Variants in URB1 observed in about 807,000 individuals in gnomAD.
The protein encoded by URB1 is nucleolar pre-ribosomal-associated protein 1.
URB1 carries 197 observed loss-of-function variants against 242.3 expected under a neutral mutation model. That is an observed-to-expected ratio of 0.81 (90% CI 0.72 to 0.91). URB1 has a LOEUF of 0.91. URB1 is among the 40% of genes least tolerant of loss of function. The pLI is 0.00. For synonymous variants in URB1, 1,153 were observed against 1,201.8 expected (o/e 0.96, Z 0.84); for missense variants, 2,721 against 2,860.5 (o/e 0.95, Z 1.11).
chr21:32,311,254 C>T lies in URB1; in HGVS notation c.*3664G>A, dbSNP rs1009772245. On this transcript the variant is annotated 3_prime_UTR_variant, in exon 39 of 39. Transcript: ENST00000382751. ...TCAATTACCTCCCACTGGGTCCTTC[C>T]CACGACACGTGGGGATTATTACAAT... The T allele has an allele frequency of 6.2e-5, 11 of 176,694 alleles. No individual in the cohort carries two copies. The South Asian group carries it at 1.4e-3, about 22-fold the overall frequency. 10.9% of individuals were successfully genotyped at this position (176,694 alleles called of 1,614,324 possible).
intron 2 of URB1, 68 bp from the exon 3 acceptor site, chr21:32,384,532 T>C: frequency 2.0e-6 from 3 of 1,504,304 alleles, no homozygotes; most frequent in Admixed American, 2.1e-5. Context: ...TATATGCTCC[T>C]TTTGTCTTAG....
chr21:32,328,803 T>C (rs988328299), intron 30 of URB1, among the ~76,000 whole-genome samples: 6 of 152,218 alleles, frequency 3.9e-5, no homozygotes, highest in South Asian at 2.1e-4. Flanking sequence ...GTAACACTTA[T>C]GGAAAAGAGC....
At position 32,312,285 on chromosome 21, in the gene URB1, G is replaced by A. The variant is rs551819319; in HGVS notation, c.*2633C>T. ...AAAATAAAATATATGCAAATCAAGA[G>A]GAAAAGCTGTTTGCTTACTAATCTT... is the stretch of plus-strand genomic sequence containing the variant. On this transcript the variant is annotated 3_prime_UTR_variant, in exon 39 of 39. Coordinates refer to ENST00000382751, the MANE Select transcript of URB1 (RefSeq NM_014825.3). The A allele has an allele frequency of 6.6e-6, 9 of 1,359,476 alleles. No homozygotes were observed. The highest frequency in any genetic ancestry group is 8.6e-6 in the Non-Finnish European group (9 of 1,052,346). 84.2% of individuals were successfully genotyped at this position (1,359,476 alleles called of 1,614,324 possible).
chr21:32,358,026 C>G (rs2033244318), intron 14 of URB1, among the ~76,000 whole-genome samples: 1 of 152,216 alleles, frequency 6.6e-6, no homozygotes, highest in Non-Finnish European at 1.5e-5. Context: ...GAGACTTCAT[C>G]TCCAAAAACA....
chr21:32,352,880 C>T lies in URB1; in HGVS notation c.2443G>A (p.Ala815Thr). Residue 815 changes from alanine (A) to threonine (T), a missense_variant, in exon 19 of 39, where the codon GCA (alanine) becomes ACA (threonine). Transcript: ENST00000382751. ...GTGTGGAGGAGGTCAGTCAGCACTG[C>T]CGTCAGATATGTCACAACGTTTTCC... Reference protein sequence around the residue: ...AAENVVTYLTAVLTDLLHTQR... With the variant: ...AAENVVTYLTTVLTDLLHTQR... 1 of 1,550,592 alleles carries T rather than the reference C, an allele frequency of 6.4e-7. No individual in the cohort carries two copies. The highest frequency in any genetic ancestry group is 8.7e-7 in the Non-Finnish European group (1 of 1,146,446).
intron 14 of URB1, among the ~76,000 whole-genome samples, chr21:32,358,728 G>T (rs560025438): frequency 6.6e-6 from 1 of 152,158 alleles, no homozygotes; most frequent in Non-Finnish European, 1.5e-5. Flanking sequence ...AGTTGAGCTG[G>T]AGTGAAAACC....
In URB1 at chr21:32,368,525, G is replaced by A. The variant is rs2033371307; in HGVS notation, c.1075C>T (p.Leu359Phe). The change falls in exon 9 of 39, where the codon CTT becomes TTT. Residue 359 changes from leucine (L) to phenylalanine (F), a missense_variant. Transcript: ENST00000382751. ...CACACTTTGAGGATGTTTACCACAA[G>A]GTCAGCCACCAGATCATCATCAGCT... ...TAADDDLVADLVVNILKVCPD... is the reference protein window; with the variant it reads ...TAADDDLVADFVVNILKVCPD... 6.4e-7 allele frequency: 1 copy of A among 1,551,718 alleles called. No individual in the cohort carries two copies. Among genetic ancestry groups the A allele is most frequent in the South Asian group, 1.2e-5 (1 of 84,060 alleles).
At chr21:32,354,219 C>T in intron 17 of URB1, 116 bp from the exon 18 acceptor site, 1 of 1,179,200 alleles carries the variant, frequency 8.5e-7, no homozygotes, top group Non-Finnish European at 1.2e-6. Context: ...CCAAATTCCT[C>T]TTGGGGGGAG....
intron 30 of URB1, among the ~76,000 whole-genome samples, chr21:32,330,304 T>C (rs148935504): frequency 5.9e-5 from 9 of 151,604 alleles, no homozygotes; most frequent in East Asian, 3.9e-4. Context: ...TTTTTGACTA[T>C]TGCAATTCCT....
intron 36 of URB1, among the ~76,000 whole-genome samples, chr21:32,318,714 G>A (rs1282294105): frequency 6.6e-6 from 1 of 152,146 alleles, no homozygotes; most frequent in African/African-American, 2.4e-5. Flanking sequence ...GCTCTTCTGA[G>A]GAAACCAAAA....
intron 8 of URB1, among the ~76,000 whole-genome samples, chr21:32,369,975 C>CAAAAAAA (rs34377037): frequency 1.1e-5 from 1 of 88,556 alleles, no homozygotes; most frequent in Non-Finnish European, 2.4e-5. Context: ...GTCTCCATCT[C>CAAAAAAA]AAAAAAAAAA....
chr21:32,361,191 G>GAAAC, intron 12 of URB1, 68 bp from the exon 13 acceptor site: 2 of 872,020 alleles, frequency 2.3e-6, no homozygotes. Context: ...AAGAAAGAAA[G>GAAAC]AAAGAAAGAA....
intron 1 of URB1, among the ~76,000 whole-genome samples, chr21:32,391,111 G>C (rs1171054757): frequency 6.6e-6 from 1 of 151,228 alleles, no homozygotes; most frequent in African/African-American, 2.4e-5. Context: ...GCAAACTATC[G>C]CAAGGACAAA....
intron 21 of URB1, among the ~76,000 whole-genome samples, 193 bp from the exon 22 acceptor site, chr21:32,348,004 C>T (rs1487137665): frequency 6.6e-6 from 1 of 152,254 alleles, no homozygotes; most frequent in Admixed American, 6.5e-5. Context: ...CAAGCCCAGC[C>T]AGAGCTGTCA....
At chr21:32,345,686 T>A in intron 22 of URB1, 111 bp from the exon 23 acceptor site, 1 of 1,149,646 alleles carries the variant, frequency 8.7e-7, no homozygotes, top group Non-Finnish European at 1.2e-6. Context: ...GTGACCCTGG[T>A]GATGCCACAC....
At chr21:32,377,454 A>C in intron 5 of URB1, 1 of 359,004 alleles carries the variant, frequency 2.8e-6, no homozygotes, top group Admixed American at 4.5e-5. Flanking sequence ...AGACAGCTGA[A>C]ATGGCCCACG....
intron 24 of URB1, among the ~76,000 whole-genome samples, chr21:32,341,844 A>AATTCACTTGCACATGCACAAGTTG (rs2033033970): frequency 6.6e-6 from 1 of 152,156 alleles, no homozygotes; most frequent in Non-Finnish European, 1.5e-5. Flanking sequence ...AATTCTTGAC[A>AATTCACTTGCACATGCACAAGTTG]AGCATGTGAT....
chr21:32,336,960 C>A, intron 28 of URB1, 134 bp downstream of exon 28: 1 of 870,922 alleles, frequency 1.1e-6, no homozygotes, highest in South Asian at 1.6e-5. Context: ...CAGTGTGAGT[C>A]AGGGGAGTGC....
In URB1 at chr21:32,321,887, G is replaced by A. The variant is rs996416674; in HGVS notation, c.5398C>T (p.Gln1800Ter). 2 of 1,551,582 alleles carry A rather than the reference G, an allele frequency of 1.3e-6. No homozygotes were observed. Among genetic ancestry groups the A allele is most frequent in the Admixed American group, 3.9e-5 (2 of 50,990 alleles). Reference sequence around the variant, plus strand: ...CGCCGGGCACACAGTTCGTAGCACTGCTTGTCACGGATCCCCTGCCGCAGA... The same window carrying A: ...CGCCGGGCACACAGTTCGTAGCACTACTTGTCACGGATCCCCTGCCGCAGA... ...GVLRQGIRDK[Q>*]CYELCARRGI... The change falls in exon 34 of 39, where the codon CAG becomes TAG. Residue 1800 changes from glutamine to a stop codon, truncating the protein, a stop_gained. Transcript: ENST00000382751. LOFTEE classifies it high-confidence loss of function.
Sources: allele counts gnomAD v4.1 joint callset (sites outside exome capture counted in the v4.1 genomes callset), GRCh38; gene constraint gnomAD v4.1.1; transcripts MANE v1.5; gene names NCBI Gene and HGNC (gene_info 2026-07-23, HGNC 2026-07-21).